The following HHAT variants were observed in gnomAD, a reference collection of about 807,000 sequenced individuals.
The protein encoded by HHAT is protein-cysteine N-palmitoyltransferase HHAT.
A neutral mutation model predicts 70.8 loss-of-function variants in HHAT; 47 were observed. The observed-to-expected ratio is 0.66, with a 90% confidence interval of 0.53 to 0.85. The LOEUF (loss-of-function observed/expected upper bound fraction) is 0.85, where lower values mean the gene tolerates loss of function less well. HHAT is among the 40% of genes least tolerant of loss of function. HHAT has a pLI of 0.00. For missense variants in HHAT, 609 were observed against 604.8 expected (o/e 1.01, Z -0.07); for synonymous variants, 228 against 247.6 (o/e 0.92, Z 0.74).
rs2084736625 is a variant in HHAT, at chr1:210,328,950, T to C, written c.-198T>C. On this transcript the variant is annotated 5_prime_UTR_variant, in exon 1 of 12. Transcript: ENST00000261458. ...CGGAGGACGCGCGCTGCGCTGCTCCTCCAAAGGGCAGCTCCGGGGGAAAGA... is the reference window on the plus strand; with the variant it reads ...CGGAGGACGCGCGCTGCGCTGCTCCCCCAAAGGGCAGCTCCGGGGGAAAGA... 3 of 1,216,744 alleles carry C rather than the reference T, an allele frequency of 2.5e-6. No individual in the cohort carries two copies. Among genetic ancestry groups the C allele is most frequent in the African/African-American group, 1.6e-5 (1 of 63,286 alleles). The allele number at this position is 1,216,744 out of a possible 1,614,324, so 75.4% of individuals were successfully genotyped here.
chr1:210,524,526 G>A (rs2095216572), intron 9 of HHAT, among the ~76,000 whole-genome samples: 1 of 152,144 alleles, frequency 6.6e-6, no homozygotes, highest in African/African-American at 2.4e-5. Context: ...GCCTGGGGCT[G>A]GCCAGTAGAG....
chr1:210,620,538 T>A (rs1331830429), intron 10 of HHAT, among the ~76,000 whole-genome samples: 1 of 152,194 alleles, frequency 6.6e-6, no homozygotes, highest in Non-Finnish European at 1.5e-5. Context: ...TGAACAATGC[T>A]CTGTTCATTT....
At chr1:210,463,794 C>T (rs931840608) in intron 7 of HHAT, among the ~76,000 whole-genome samples, 25 of 152,232 alleles carry the variant, frequency 1.6e-4, no homozygotes, top group Admixed American at 1.6e-3. Flanking sequence ...GTTCCAGTTT[C>T]TCCAGATCTT....
At chr1:210,418,674 C>G (rs2092799855) in intron 7 of HHAT, among the ~76,000 whole-genome samples, 1 of 152,124 alleles carries the variant, frequency 6.6e-6, no homozygotes, top group African/African-American at 2.4e-5. Context: ...TGAGTTCATT[C>G]TAAGAGAGAA....
intron 1 of HHAT, among the ~76,000 whole-genome samples, chr1:210,334,915 A>ATATC (rs1196683132): frequency 2.6e-5 from 4 of 152,160 alleles, no homozygotes; most frequent in African/African-American, 9.7e-5. Flanking sequence ...GAGTAGTCCT[A>ATATC]TATCTACCAA....
At chr1:210,617,008 T>C (rs1558284088) in intron 10 of HHAT, among the ~76,000 whole-genome samples, 1 of 152,222 alleles carries the variant, frequency 6.6e-6, no homozygotes, top group African/African-American at 2.4e-5. Context: ...CAAATGCCAA[T>C]TGTGAATTAG....
chr1:210,514,223 G>C (rs903087766), intron 9 of HHAT, among the ~76,000 whole-genome samples: 3 of 152,146 alleles, frequency 2.0e-5, no homozygotes, highest in Admixed American at 2.0e-4. Context: ...TCTTTTCCAA[G>C]GCTCATCCAA....
intron 6 of HHAT, among the ~76,000 whole-genome samples, chr1:210,406,348 T>C (rs2092329121): frequency 6.6e-6 from 1 of 152,286 alleles, no homozygotes; most frequent in South Asian, 2.1e-4. Context: ...TGCTCTGTAC[T>C]TTGTTATTAT....
At chr1:210,360,846 C>CTTTTTTTTTTTTTTTT (rs3036585) in intron 2 of HHAT, among the ~76,000 whole-genome samples, 1 of 124,302 alleles carries the variant, frequency 8.0e-6, no homozygotes, top group African/African-American at 3.3e-5. Flanking sequence ...ATTAACTTCA[C>CTTTTTTTTTTTTTTTT]TTTTTTTTTT....
intron 9 of HHAT, among the ~76,000 whole-genome samples, chr1:210,557,133 A>T (rs899786233): frequency 1.3e-5 from 2 of 152,222 alleles, no homozygotes; most frequent in East Asian, 3.9e-4. Context: ...AGACCCTAGG[A>T]GGGAGACAGA....
Position 210,362,904 on chromosome 1 carries a change from T to A in HHAT, c.144T>A (p.Phe48Leu). ...QEFELETDTL[F>L]GGLKKDATDF... Reference sequence around the variant, plus strand: ...TTGAGCTGGAGACTGACACTTTATTTGGAGGATTAAAGAAGGTACAAAGTG... The same window carrying A: ...TTGAGCTGGAGACTGACACTTTATTAGGAGGATTAAAGAAGGTACAAAGTG... The change falls in exon 3 of 12, where the codon TTT becomes TTA. Residue 48 changes from phenylalanine to leucine, a missense_variant. Physicochemically the swap from Phe to Leu is conservative, Grantham distance 22 (BLOSUM62 0). Transcript: ENST00000261458. The A allele has an allele frequency of 6.2e-7, 1 of 1,612,960 alleles. No homozygotes were observed. Among genetic ancestry groups the A allele is most frequent in the Non-Finnish European group, 8.5e-7 (1 of 1,178,968 alleles).
rs144740730 is a variant in HHAT at position 210,621,880 on chromosome 1, C to T, written c.1246-1646C>T. ...CTTCTCTGTGAGCAGGCCACACTTG[C>T]GTCTGGCAGCAGTAAAAGCACGTTC... On this transcript the variant is annotated intron_variant, in intron 10 of 11. Transcript: ENST00000261458. Among the ~76,000 whole-genome samples, 75 of 152,304 alleles carry T rather than the reference C, an allele frequency of 4.9e-4. 1 individual carries two copies. The highest frequency in any genetic ancestry group is 1.7e-3 in the African/African-American group (70 of 41,570).
chr1:210,409,762 A>G (rs2092462075), intron 6 of HHAT, among the ~76,000 whole-genome samples: 1 of 152,264 alleles, frequency 6.6e-6, no homozygotes, highest in African/African-American at 2.4e-5. Flanking sequence ...TTTGGGAGAA[A>G]GAGAAAGGCA....
intron 9 of HHAT, among the ~76,000 whole-genome samples, chr1:210,562,730 G>A (rs926951534): frequency 2.0e-5 from 3 of 151,222 alleles, no homozygotes; most frequent in East Asian, 1.9e-4. Flanking sequence ...ATGTATACAC[G>A]TGCCATGTTG....
At chr1:210,584,872 G>T (rs1377348920) in intron 9 of HHAT, among the ~76,000 whole-genome samples, 2 of 152,200 alleles carry the variant, frequency 1.3e-5, no homozygotes, top group African/African-American at 4.8e-5. Context: ...ACAAAGTCAT[G>T]TCTGTTTCCC....
At chr1:210,473,175 G>C (rs2094237264) in intron 8 of HHAT, among the ~76,000 whole-genome samples, 1 of 152,166 alleles carries the variant, frequency 6.6e-6, no homozygotes, top group Non-Finnish European at 1.5e-5. Context: ...ACATTTTAGG[G>C]TAAAATACTT....
intron 9 of HHAT, among the ~76,000 whole-genome samples, chr1:210,556,274 TAA>T (rs932544293): frequency 1.3e-5 from 2 of 152,140 alleles, no homozygotes; most frequent in African/African-American, 4.8e-5. Flanking sequence ...CTGATTTTCT[TAA>T]AGATTCAAAC....
At chr1:210,670,147 T>C (rs918381136) in intron 11 of HHAT, among the ~76,000 whole-genome samples, 31 of 152,220 alleles carry the variant, frequency 2.0e-4, no homozygotes, top group Non-Finnish European at 4.4e-5. Flanking sequence ...GTTGCCAGAA[T>C]GACAGCTTCT....
At chr1:210,669,234 T>C (rs976204741) in intron 11 of HHAT, among the ~76,000 whole-genome samples, 1 of 152,182 alleles carries the variant, frequency 6.6e-6, no homozygotes, top group Non-Finnish European at 1.5e-5. Context: ...TTCAGACTGA[T>C]ATAATTGCTC....
Sources: allele counts gnomAD v4.1 joint callset (sites outside exome capture counted in the v4.1 genomes callset), GRCh38; gene constraint gnomAD v4.1.1; transcripts MANE v1.5; gene names NCBI Gene and HGNC (gene_info 2026-07-23, HGNC 2026-07-21).